Variants in MYO16 observed in about 807,000 individuals in gnomAD.
MYO16 encodes the protein unconventional myosin-XVI.
MYO16 carries 94 observed loss-of-function variants against 205.3 expected under a neutral mutation model. The observed-to-expected ratio is 0.46, with a 90% CI of 0.39 to 0.54. The LOEUF is 0.54. Among genes scored for constraint, MYO16 ranks in the 20% least tolerant of loss-of-function variants. The probability of loss-of-function intolerance (pLI) is 0.00; values close to 1 mark genes in which losing one functional copy is unlikely to be tolerated. For missense variants in MYO16, 2,315 were observed against 2,387.5 expected (o/e 0.97, Z 0.63); for synonymous variants, 988 against 954.0 (o/e 1.04, Z -0.66).
chr13:108,844,543 A>G, intron 10 of MYO16, 50 bp downstream of exon 10: 1 of 1,497,228 alleles, frequency 6.7e-7, no homozygotes, highest in Non-Finnish European at 9.0e-7. Flanking sequence ...ATATCAAGTA[A>G]TGTATTATAA....
intron 2 of MYO16, among the ~76,000 whole-genome samples, chr13:108,674,868 C>T (rs1882135599): frequency 6.6e-6 from 1 of 152,170 alleles, no homozygotes; most frequent in Admixed American, 6.5e-5. Context: ...TATAAAATAT[C>T]AGCCTGTCCT....
intron 4 of MYO16, among the ~76,000 whole-genome samples, chr13:108,751,590 G>T (rs1039930739): frequency 2.6e-5 from 4 of 152,238 alleles, no homozygotes; most frequent in Admixed American, 2.6e-4. Context: ...TCTTTGCAGA[G>T]TTTACAGTAT....
At chr13:108,771,189 A>G (rs1432665015) in intron 4 of MYO16, among the ~76,000 whole-genome samples, 2 of 152,218 alleles carry the variant, frequency 1.3e-5, no homozygotes, top group Non-Finnish European at 2.9e-5. Context: ...ATATAGATAT[A>G]TACACGGGGG....
At position 109,189,029 on chromosome 13, in the gene MYO16, G is replaced by A. The variant is rs1021614488; in HGVS notation, c.5415+9396G>A. Among the ~76,000 whole-genome samples, 2 of 152,094 alleles carry A rather than the reference G, an allele frequency of 1.3e-5. 1 individual carries two copies. Among genetic ancestry groups the A allele is most frequent in the South Asian group, 4.2e-4 (2 of 4,810 alleles). On this transcript the variant is annotated intron_variant, in intron 34 of 34. Transcript: ENST00000457511. ...GAATTGCTTGAACCAGGGAGGCGAA[G>A]GTTGCAGTGAGCAGAGACAGTGTAA...
At chr13:108,824,578 T>G (rs1174301611) in intron 9 of MYO16, among the ~76,000 whole-genome samples, 1 of 151,922 alleles carries the variant, frequency 6.6e-6, no homozygotes, top group Non-Finnish European at 1.5e-5. Flanking sequence ...GGGCAAAATA[T>G]CAACAAGGGA....
chr13:108,577,071 T>C, the MYO16 span, among the ~76,000 whole-genome samples: 1 of 152,222 alleles, frequency 6.6e-6, no homozygotes, highest in East Asian at 1.9e-4. Context: ...TGCAGTACCT[T>C]TCCATTTGAT....
intron 31 of MYO16, among the ~76,000 whole-genome samples, chr13:109,133,232 T>A (rs1876621291): frequency 6.6e-6 from 1 of 152,204 alleles, no homozygotes; most frequent in African/African-American, 2.4e-5. Context: ...TTAAGCATCT[T>A]TTTTGTCCTA....
intron 13 of MYO16, among the ~76,000 whole-genome samples, chr13:108,886,282 C>T (rs1303790775): frequency 6.6e-6 from 1 of 151,782 alleles, no homozygotes; most frequent in Non-Finnish European, 1.5e-5. Flanking sequence ...CCACCGCGCC[C>T]GGCCCTCCTT....
intron 33 of MYO16, among the ~76,000 whole-genome samples, chr13:109,178,764 G>C (rs1456357588): frequency 6.6e-6 from 1 of 152,184 alleles, no homozygotes; most frequent in African/African-American, 2.4e-5. Flanking sequence ...TGGGGGTGCT[G>C]CTGGCATCTA....
chr13:108,656,128 G>A (rs1410975475), intron 1 of MYO16, among the ~76,000 whole-genome samples: 1 of 152,086 alleles, frequency 6.6e-6, no homozygotes, highest in African/African-American at 2.4e-5. Flanking sequence ...GTTTGGCTGT[G>A]TCCCCACCCA....
chr13:109,142,726 T>C (rs1877159229), intron 32 of MYO16, among the ~76,000 whole-genome samples: 1 of 152,082 alleles, frequency 6.6e-6, no homozygotes, highest in Non-Finnish European at 1.5e-5. Flanking sequence ...CACTTCAGCC[T>C]CTGATTGGAG....
intron 1 of MYO16, among the ~76,000 whole-genome samples, chr13:108,601,006 G>A (rs11838662): frequency 2.0e-5 from 3 of 151,950 alleles, no homozygotes; most frequent in South Asian, 2.1e-4. Context: ...AGTAATCCCA[G>A]GTCCTTTTTA....
At chr13:109,033,739 G>T (rs9514966) in intron 23 of MYO16, among the ~76,000 whole-genome samples, 7,583 of 152,236 alleles carry the variant, frequency 0.05, 246 homozygotes, top group African/African-American at 0.077. Flanking sequence ...TAAGGTTAAA[G>T]GATCATGGGA....
At chr13:108,570,900 G>T in the MYO16 span, among the ~76,000 whole-genome samples, 2 of 152,048 alleles carry the variant, frequency 1.3e-5, no homozygotes, top group South Asian at 4.1e-4. Context: ...CCATTATTTT[G>T]AATTAAAACA....
rs560341536 is a variant in MYO16, at chr13:108,899,354, C to T, written c.1777+1221C>T. Among the ~76,000 whole-genome samples the T allele has an allele frequency of 1.2e-3, 187 of 151,308 alleles. 2 individuals carry two copies. The highest frequency in any genetic ancestry group is 7.2e-3 in the Admixed American group (109 of 15,178). ...AGGAGAATCACTTGAACCCAGGAGG[C>T]GGAGGTTGCAGTAAGCAGATATCAC... On this transcript the variant is annotated intron_variant, in intron 15 of 34. Coordinates refer to ENST00000457511, the MANE Select transcript of MYO16 (RefSeq NM_001198950.3).
At chr13:108,630,471 C>G (rs1879930653) in intron 1 of MYO16, among the ~76,000 whole-genome samples, 1 of 152,130 alleles carries the variant, frequency 6.6e-6, no homozygotes. Context: ...CTCTTTTGGG[C>G]TTATCAAGGG....
At chr13:108,936,085 TTTCCTTCCTTCCTTCCTTCCTTCC>T (rs56030003) in intron 16 of MYO16, among the ~76,000 whole-genome samples, 419 of 129,104 alleles carry the variant, frequency 3.2e-3, no homozygotes, top group African/African-American at 7.5e-3. Context: ...TTGGCTATAG[TTTCCTTCCTTCCTTCCTTCCTTCC>T]TTCCTTCCTT....
At chr13:108,757,050 G>A (rs1594269321) in intron 4 of MYO16, among the ~76,000 whole-genome samples, 2 of 151,846 alleles carry the variant, frequency 1.3e-5, no homozygotes, top group East Asian at 3.9e-4. Context: ...TGATATTTTT[G>A]CAAATTTCTA....
the MYO16 span, among the ~76,000 whole-genome samples, chr13:108,497,070 C>T: frequency 6.6e-6 from 1 of 152,268 alleles, no homozygotes; most frequent in Non-Finnish European, 1.5e-5. Context: ...GACGCTCCTG[C>T]GGTCTATCCA....
Sources: gnomAD v4.1 joint callset for allele counts (sites outside exome capture counted in the v4.1 genomes callset) on GRCh38, gnomAD v4.1.1 for gene constraint, MANE v1.5 for transcripts, NCBI Gene and HGNC (gene_info 2026-07-23, HGNC 2026-07-21) for gene names.